Variants in DUSP6 observed in about 807,000 individuals in gnomAD.
DUSP6 encodes dual specificity protein phosphatase 6.
In DUSP6, 6 loss-of-function variants were observed where a neutral mutation model predicts 28.0. That is an observed-to-expected ratio of 0.21 (90% CI 0.12 to 0.42). The LOEUF (loss-of-function observed/expected upper bound fraction) is 0.42. Ranked by LOEUF, DUSP6 falls within the 10% of genes least tolerant of loss-of-function variation. DUSP6 has a pLI of 1.00. For missense variants in DUSP6, 451 were observed against 498.1 expected (o/e 0.91, Z 0.90); for synonymous variants, 252 against 217.5 (o/e 1.16, Z -1.40).
Position 89,347,326 on chromosome 12 carries a change from A to G in DUSP6, c.*1928T>C, listed in dbSNP as rs1341744562. On this transcript the variant is annotated 3_prime_UTR_variant, in exon 3 of 3. Coordinates refer to ENST00000279488, the MANE Select transcript of DUSP6 (RefSeq NM_001946.4). ...TAGGTCCCAAGAAAAATGGCAAGATATAAAGTCTTTAGCTTGAAAAGAAAC... is the reference window on the plus strand; with the variant it reads ...TAGGTCCCAAGAAAAATGGCAAGATGTAAAGTCTTTAGCTTGAAAAGAAAC... 6.6e-6 allele frequency: 1 copy of G among 152,234 alleles called. No individual in the cohort carries two copies. Among genetic ancestry groups the G allele is most frequent in the Non-Finnish European group, 1.5e-5 (1 of 68,050 alleles). The allele number at this position is 152,234 out of a possible 1,614,324, so 9.4% of individuals were successfully genotyped here.
At position 89,352,422 on chromosome 12, in the gene DUSP6, C is replaced by G; in HGVS notation, c.-383G>C. 4.5e-6 allele frequency: 1 copy of G among 219,830 alleles called. No individual in the cohort carries two copies. The highest frequency in any genetic ancestry group is 9.3e-6 in the Non-Finnish European group (1 of 108,086). 13.6% of individuals were successfully genotyped at this position (219,830 alleles called of 1,614,324 possible). On this transcript the variant is annotated 5_prime_UTR_variant, in exon 1 of 3. Coordinates refer to ENST00000279488, the MANE Select transcript of DUSP6 (RefSeq NM_001946.4). The stretch of plus-strand genomic sequence containing the variant: ...CAAATCTACCCGGGCGTCTTTCTCC[C>G]CGGATTATTTAAGACTCGATTTGCT...
rs1275815922 is a variant in DUSP6 at position 89,348,270 on chromosome 12, C to T, written c.*984G>A. ...ATTTTTTTAAAGGAAAGAAACCAAC[C>T]CAAAGTATTGCATTTGAGGTGACAC... On this transcript the variant is annotated 3_prime_UTR_variant, in exon 3 of 3. Transcript: ENST00000279488. 7.9e-5 allele frequency: 12 copies of T among 152,592 alleles called. No individual in the cohort carries two copies. Among genetic ancestry groups the T allele is most frequent in the Admixed American group, 7.9e-4 (12 of 15,272 alleles). The allele number at this position is 152,592 out of a possible 1,614,324, so 9.5% of individuals were successfully genotyped here.
Position 89,349,044 on chromosome 12 carries a change from T to TA in DUSP6, c.*209dup. On this transcript the variant is annotated 3_prime_UTR_variant, in exon 3 of 3. Coordinates refer to ENST00000279488, the MANE Select transcript of DUSP6 (RefSeq NM_001946.4). Reference sequence around the variant, plus strand: ...ACAGAGCAAACCTACTGCCTGTATCTATACAGCATGTCCTGTTATTCCAAA... The same window carrying TA: ...ACAGAGCAAACCTACTGCCTGTATCTAATACAGCATGTCCTGTTATTCCAAA... The TA allele has an allele frequency of 1.7e-6, 1 of 585,800 alleles. No individual in the cohort carries two copies. The highest frequency in any genetic ancestry group is 4.6e-4 in the Middle Eastern group (1 of 2,168). The allele number at this position is 585,800 out of a possible 1,614,324, so 36.3% of individuals were successfully genotyped here.
chr12:89,352,106 C>T lies in DUSP6; in HGVS notation c.-67G>A. ...CCCCTCGGGGCAGGCATAGGCCGAG[C>T]GCACCGCGCGCGAAGCTGCCGCTCT... On this transcript the variant is annotated 5_prime_UTR_variant, in exon 1 of 3. Transcript: ENST00000279488. The T allele has an allele frequency of 2.6e-6, 4 of 1,532,770 alleles. No homozygotes were observed. Among genetic ancestry groups the T allele is most frequent in the Non-Finnish European group, 3.5e-6 (4 of 1,139,464 alleles). 94.9% of individuals were successfully genotyped at this position (1,532,770 alleles called of 1,614,324 possible).
intron 2 of DUSP6, 28 bp from the exon 3 acceptor site, chr12:89,349,589 C>T (rs1056655889): frequency 6.4e-7 from 1 of 1,565,350 alleles, no homozygotes; most frequent in Non-Finnish European, 8.7e-7. Flanking sequence ...AAAGCAAGAT[C>T]TCAGCAGACT....
At position 89,351,886 on chromosome 12, in the gene DUSP6, A is replaced by T. The variant is rs753200673; in HGVS notation, c.154T>A (p.Ser52Thr). The part of the protein sequence containing the change: ...QELYESSHIE[S>T]AINVAIPGIM... ...CCCGGGATGGCCACGTTGATGGCCG[A>T]CTCGATGTGCGACGACTCGTATAGC... Residue 52 changes from serine to threonine, a missense_variant, in exon 1 of 3, where the codon TCG becomes ACG. Physicochemically the swap from Ser to Thr is moderately conservative, Grantham distance 58. Coordinates refer to ENST00000279488, the MANE Select transcript of DUSP6 (RefSeq NM_001946.4). The T allele has an allele frequency of 6.2e-7, 1 of 1,612,434 alleles. No individual in the cohort carries two copies. Among genetic ancestry groups the T allele is most frequent in the Admixed American group, 1.7e-5 (1 of 59,986 alleles).
Position 89,351,649 on chromosome 12 carries a change from A to G in DUSP6, c.391T>C (p.Tyr131His). The change falls in exon 1 of 3, where the codon TAC becomes CAC. Residue 131 changes from tyrosine to histidine, a missense_variant. Transcript: ENST00000279488. ...KLKDEGCRAF[Y>H]LEGGFSKFQA... ...TTCCCTGGGCGCGTACCTTCCAGGTAGAACGCCCGGCAGCCCTCGTCCTTG... is the reference window on the plus strand; with the variant it reads ...TTCCCTGGGCGCGTACCTTCCAGGTGGAACGCCCGGCAGCCCTCGTCCTTG... 4 of 1,601,890 alleles carry G rather than the reference A, an allele frequency of 2.5e-6. No individual in the cohort carries two copies. The highest frequency in any genetic ancestry group is 1.7e-4 in the Middle Eastern group (1 of 6,030).
rs1194818369 is a variant in DUSP6, at chr12:89,349,553, G to A, written c.847C>T (p.Arg283Trp). The change falls in exon 3 of 3, where the codon CGG (arginine) becomes TGG (tryptophan). Residue 283 changes from arginine to tryptophan, a missense_variant. This residue lies in a region of DUSP6 where 104 missense variants were observed against 151.4 expected (regional missense o/e 0.69). Coordinates refer to ENST00000279488, the MANE Select transcript of DUSP6 (RefSeq NM_001946.4). ...ACCAAGACACCACAGTTCTTGCCCC[G>A]GGCTTCATCTGTGAACACAAAAAGA... ...PEAISFIDEARGKNCGVLVHC... is the reference protein window; with the variant it reads ...PEAISFIDEAWGKNCGVLVHC... The A allele has an allele frequency of 4.4e-6, 7 of 1,604,816 alleles. No individual in the cohort carries two copies. The highest frequency in any genetic ancestry group is 2.2e-5 in the East Asian group (1 of 44,660).
rs1380980909 is a variant in DUSP6 at position 89,350,938 on chromosome 12, G to A, written c.488C>T (p.Pro163Leu). 1.2e-6 allele frequency: 2 copies of A among 1,613,544 alleles called. No individual in the cohort carries two copies. The highest frequency in any genetic ancestry group is 1.3e-5 in the African/African-American group (1 of 75,050). ...GSCSSSSPPL[P>L]VLGLGGLRIS... ...CCGCAGGCCCCCGAGCCCCAGCACT[G>A]GCAACGGCGGCGAGCTGCTGCTACA... Residue 163 changes from proline to leucine, a missense_variant, in exon 2 of 3, where the codon CCA becomes CTA. By Grantham distance (98) the Pro-to-Leu change is moderately conservative. This residue lies in a region of DUSP6 where 347 missense variants were observed against 346.6 expected (regional missense o/e 1.00). Transcript: ENST00000279488.
At position 89,350,325 on chromosome 12, in the gene DUSP6, C is replaced by T. The variant is rs111837731; in HGVS notation, c.838+263G>A. Among the ~76,000 whole-genome samples, 1,066 of 152,266 alleles carry T rather than the reference C, an allele frequency of 7.0e-3. 4 individuals carry two copies. Among genetic ancestry groups the T allele is most frequent in the Non-Finnish European group, 0.012 (838 of 68,022 alleles). ...AGACTGGGGGGAAAAATCTGTTGTC[C>T]GATTATGAACGACTGTCAATGACTG... On this transcript the variant is annotated intron_variant, in intron 2 of 2. Coordinates refer to ENST00000279488, the MANE Select transcript of DUSP6 (RefSeq NM_001946.4).
intron 2 of DUSP6, among the ~76,000 whole-genome samples, chr12:89,350,198 T>C (rs553119290): frequency 2.0e-4 from 30 of 152,220 alleles, no homozygotes; most frequent in Non-Finnish European, 4.1e-4. Context: ...AACAACTAAC[T>C]TGATGTCCTA....
intron 2 of DUSP6, 143 bp downstream of exon 2, chr12:89,350,445 A>G: frequency 2.4e-6 from 2 of 817,072 alleles, no homozygotes; most frequent in African/African-American, 1.7e-5. Flanking sequence ...AAGATAAACC[A>G]GAATTAAGGA....
At chr12:89,351,433 G>A (rs1879184256) in intron 1 of DUSP6, 3 of 840,294 alleles carry the variant, frequency 3.6e-6, no homozygotes, top group Middle Eastern at 3.7e-4. Context: ...CCCGCAGCCG[G>A]AAGCGAGTGG....
chr12:89,350,521 T>TA, intron 2 of DUSP6, 67 bp downstream of exon 2: 1 of 1,485,874 alleles, frequency 6.7e-7, no homozygotes, highest in Non-Finnish European at 9.2e-7. Context: ...ATTAACAGCT[T>TA]AAACTCTATG....
At position 89,348,616 on chromosome 12, in the gene DUSP6, AT is replaced by A. The variant is rs1879064798; in HGVS notation, c.*637del. 2.0e-5 allele frequency: 3 copies of A among 152,436 alleles called. No individual in the cohort carries two copies. The highest frequency in any genetic ancestry group is 2.0e-4 in the Admixed American group (3 of 15,280). 9.4% of individuals were successfully genotyped at this position (152,436 alleles called of 1,614,324 possible). A position where few individuals can be genotyped will look rare whatever the true frequency, so the allele number is the denominator to read the frequency against. ...ACCCTTTGGATTAGAAAAGAGCACA[AT>A]TTTCTTTTTTTGTTTTGTTCTGTTT... On this transcript the variant is annotated 3_prime_UTR_variant, in exon 3 of 3. Coordinates refer to ENST00000279488, the MANE Select transcript of DUSP6 (RefSeq NM_001946.4).
chr12:89,350,175 C>T (rs950911098), intron 2 of DUSP6, among the ~76,000 whole-genome samples: 3 of 152,222 alleles, frequency 2.0e-5, no homozygotes, highest in African/African-American at 7.2e-5. Context: ...ATTCAGCATT[C>T]ATACTGCTTT....
At chr12:89,351,325 C>A in intron 1 of DUSP6, 1 of 572,172 alleles carries the variant, frequency 1.7e-6, no homozygotes, top group Non-Finnish European at 3.0e-6. Context: ...TCCCGTCCTG[C>A]AAATCTTAAT....
In DUSP6 at chr12:89,351,378, T is replaced by A. The variant is rs1172579717; in HGVS notation, c.400+262A>T. ...AAAACAGGGTGATGGTGGAGGATGT[T>A]CTGGCTAAGAAGGCGCAGAACCCGT... On this transcript the variant is annotated intron_variant, in intron 1 of 2. Transcript: ENST00000279488. The A allele has an allele frequency of 5.0e-6, 3 of 600,430 alleles. No homozygotes were observed. The African/African-American group carries it at 5.6e-5, about 11-fold the overall frequency. The allele number at this position is 600,430 out of a possible 1,614,324, so 37.2% of individuals were successfully genotyped here.
At chr12:89,350,130 G>A (rs1879130129) in intron 2 of DUSP6, among the ~76,000 whole-genome samples, 1 of 152,228 alleles carries the variant, frequency 6.6e-6, no homozygotes, top group Non-Finnish European at 1.5e-5. Flanking sequence ...CTGTCTCACT[G>A]TTACCAGTAT....
Sources: gnomAD v4.1 joint callset for allele counts (sites outside exome capture counted in the v4.1 genomes callset) on GRCh38, gnomAD v4.1.1 for gene constraint, gnomAD v4.1.1 regional missense constraint, MANE v1.5 for transcripts, NCBI Gene and HGNC (gene_info 2026-07-23, HGNC 2026-07-21) for gene names.